RNF13: variants seen among roughly 807,000 people sequenced by gnomAD.
RNF13 encodes ring finger protein 13.
In RNF13, 19 loss-of-function variants were observed where a neutral mutation model predicts 37.7. The observed-to-expected ratio is 0.50, with a 90% CI of 0.35 to 0.74. RNF13 has a LOEUF of 0.74. RNF13 is among the 30% of genes least tolerant of loss of function. The pLI is 0.01. For synonymous variants in RNF13, 144 were observed against 157.8 expected (o/e 0.91, Z 0.65); for missense variants, 375 against 453.0 (o/e 0.83, Z 1.56).
intron 4 of RNF13, among the ~76,000 whole-genome samples, chr3:149,894,683 A>G (rs1715057591): frequency 6.6e-6 from 1 of 152,140 alleles, no homozygotes; most frequent in Non-Finnish European, 1.5e-5. Flanking sequence ...CAAGTATTCA[A>G]AACTATGTAT....
intron 1 of RNF13, among the ~76,000 whole-genome samples, chr3:149,822,976 T>C (rs1720138290): frequency 6.6e-6 from 1 of 152,124 alleles, no homozygotes; most frequent in African/African-American, 2.4e-5. Context: ...AATTTCATTA[T>C]GAATAGAAAT....
At chr3:149,934,779 A>C (rs912373981) in intron 8 of RNF13, among the ~76,000 whole-genome samples, 7 of 151,664 alleles carry the variant, frequency 4.6e-5, no homozygotes, top group Non-Finnish European at 7.4e-5. Flanking sequence ...ATGCACTACT[A>C]CACCCAGCTA....
At chr3:149,887,270 T>C (rs1423368110) in intron 4 of RNF13, among the ~76,000 whole-genome samples, 2 of 152,140 alleles carry the variant, frequency 1.3e-5, no homozygotes. Context: ...CCAATTTCAA[T>C]AATGAATAGA....
chr3:149,838,557 T>C (rs1181144974), intron 1 of RNF13, among the ~76,000 whole-genome samples: 3 of 152,186 alleles, frequency 2.0e-5, no homozygotes, highest in South Asian at 2.1e-4. Context: ...GGGGCTTGCA[T>C]CCTCTGAAGC....
intron 1 of RNF13, among the ~76,000 whole-genome samples, chr3:149,817,035 G>A (rs1342139890): frequency 6.6e-6 from 1 of 152,198 alleles, no homozygotes; most frequent in Non-Finnish European, 1.5e-5. Context: ...AGGAGATTTA[G>A]GAGGAGAGAG....
At chr3:149,847,043 T>C (rs2108377965) in intron 2 of RNF13, among the ~76,000 whole-genome samples, 1 of 152,316 alleles carries the variant, frequency 6.6e-6, no homozygotes, top group East Asian at 1.9e-4. Flanking sequence ...AAGATAAGGC[T>C]TGACTAGTGA....
At chr3:149,871,340 C>G (rs1402619632) in intron 3 of RNF13, among the ~76,000 whole-genome samples, 1 of 151,114 alleles carries the variant, frequency 6.6e-6, no homozygotes, top group African/African-American at 2.4e-5. Context: ...CTGTGACCAG[C>G]CTGTTACTAC....
chr3:149,867,808 T>C (rs1351862659), intron 3 of RNF13, among the ~76,000 whole-genome samples: 2 of 151,946 alleles, frequency 1.3e-5, no homozygotes, highest in African/African-American at 4.8e-5. Context: ...GTTAGGACTT[T>C]TACTGCCATT....
chr3:149,897,098 C>A (rs1169731838), intron 5 of RNF13, among the ~76,000 whole-genome samples: 1 of 152,168 alleles, frequency 6.6e-6, no homozygotes, highest in African/African-American at 2.4e-5. Flanking sequence ...AAAAAATTAT[C>A]CCAGTTGATA....
intron 8 of RNF13, among the ~76,000 whole-genome samples, chr3:149,956,169 T>C (rs1430635726): frequency 6.6e-6 from 1 of 152,094 alleles, no homozygotes; most frequent in Non-Finnish European, 1.5e-5. Flanking sequence ...CCATTTAAAT[T>C]AGAATGGCAT....
chr3:149,837,930 T>C (rs1044853037), intron 1 of RNF13, among the ~76,000 whole-genome samples: 2 of 152,110 alleles, frequency 1.3e-5, no homozygotes, highest in Non-Finnish European at 2.9e-5. Flanking sequence ...GCCTGTAAAA[T>C]CAAAAGCCAA....
At chr3:149,863,624 C>A (rs1382771823) in intron 3 of RNF13, among the ~76,000 whole-genome samples, 1 of 152,132 alleles carries the variant, frequency 6.6e-6, no homozygotes, top group Non-Finnish European at 1.5e-5. Context: ...AGGTGATCTG[C>A]CTGCCTTGGC....
intron 4 of RNF13, among the ~76,000 whole-genome samples, chr3:149,884,289 TTTG>T (rs1713760614): frequency 6.6e-6 from 1 of 152,024 alleles, no homozygotes; most frequent in Non-Finnish European, 1.5e-5. Context: ...GTTTTTAAAG[TTTG>T]TTAAGTTGAT....
intron 1 of RNF13, among the ~76,000 whole-genome samples, chr3:149,841,461 T>C (rs1402409599): frequency 6.6e-6 from 1 of 152,160 alleles, no homozygotes; most frequent in Admixed American, 6.5e-5. Context: ...AAATTCTCTT[T>C]TGAAGATAGA....
In RNF13 at chr3:149,961,178, T is replaced by G. The variant is rs897629595; in HGVS notation, c.*74T>G. On this transcript the variant is annotated 3_prime_UTR_variant, in exon 10 of 10. Transcript: ENST00000392894. The stretch of plus-strand genomic sequence containing the variant: ...ACTGTAATTTGATTTTTTGCTCCCT[T>G]CAAAGATTTCTGTAGAAATAACTTA... The G allele has an allele frequency of 2.9e-5, 38 of 1,300,800 alleles. No individual in the cohort carries two copies. In the African/African-American group the frequency reaches 5.5e-4, roughly 19 times the overall value. The allele number at this position is 1,300,800 out of a possible 1,614,324, so 80.6% of individuals were successfully genotyped here. A position where few individuals can be genotyped will look rare whatever the true frequency, so the allele number is the denominator to read the frequency against.
chr3:149,878,192 A>G (rs1712969417), intron 4 of RNF13, among the ~76,000 whole-genome samples: 1 of 152,154 alleles, frequency 6.6e-6, no homozygotes, highest in Non-Finnish European at 1.5e-5. Context: ...ATGCTAGACC[A>G]TATACTTTTC....
chr3:149,891,551 C>T (rs1714696450), intron 4 of RNF13, among the ~76,000 whole-genome samples: 1 of 152,158 alleles, frequency 6.6e-6, no homozygotes, highest in African/African-American at 2.4e-5. Flanking sequence ...GGTTAGGTGC[C>T]ACCTGGTCTA....
chr3:149,873,721 C>G (rs1222160378), intron 4 of RNF13, among the ~76,000 whole-genome samples: 11 of 152,172 alleles, frequency 7.2e-5, no homozygotes, highest in Non-Finnish European at 1.3e-4. Context: ...CTCAGGGAGC[C>G]TTACTTTTCT....
chr3:149,849,045 TC>T (rs1722902005), intron 2 of RNF13, among the ~76,000 whole-genome samples: 1 of 152,202 alleles, frequency 6.6e-6, no homozygotes, highest in African/African-American at 2.4e-5. Context: ...TAGCATCTGT[TC>T]CTTAGTACTT....
Sources: gnomAD v4.1 joint callset for allele counts (sites outside exome capture counted in the v4.1 genomes callset) on GRCh38, gnomAD v4.1.1 for gene constraint, MANE v1.5 for transcripts, NCBI Gene and HGNC (gene_info 2026-07-23, HGNC 2026-07-21) for gene names.